Variants in DCHS2 observed in about 807,000 individuals in gnomAD.
DCHS2 encodes dachsous cadherin-related 2.
DCHS2 carries 142 observed loss-of-function variants against 182.4 expected under a neutral mutation model. That is an observed-to-expected ratio of 0.78 (90% CI 0.68 to 0.89). The LOEUF (loss-of-function observed/expected upper bound fraction) is 0.89, where lower values mean the gene tolerates loss of function less well. DCHS2 is among the 40% of genes least tolerant of loss of function. The pLI, the probability that DCHS2 is intolerant of heterozygous loss-of-function variation, is 0.00. For synonymous variants in DCHS2, 1,740 were observed against 1,663.3 expected, an observed-to-expected ratio of 1.05 and a Z score of -1.12; for missense variants, 4,319 against 4,198.6, an observed-to-expected ratio of 1.03 and a Z score of -0.79.
chr4:154,272,590 T>G (rs1733650023), intron 13 of DCHS2, among the ~76,000 whole-genome samples: 1 of 152,056 alleles, frequency 6.6e-6, no homozygotes, highest in African/African-American at 2.4e-5. Context: ...TTGCCCACTG[T>G]CTCTCACCTA....
At chr4:154,262,160 T>A (rs1219319920) in intron 14 of DCHS2, 1 of 152,242 alleles carries the variant, frequency 6.6e-6, no homozygotes, top group Non-Finnish European at 1.5e-5. Flanking sequence ...CAAAGTTGAT[T>A]TTTAATAAAA....
intron 2 of DCHS2, among the ~76,000 whole-genome samples, chr4:154,375,016 A>G (rs1162557069): frequency 6.6e-6 from 1 of 152,190 alleles, no homozygotes; most frequent in Non-Finnish European, 1.5e-5. Flanking sequence ...CAAAGCTAAA[A>G]GAATGTATGA....
At chr4:154,259,407 ATGGCC>A (rs1732858885) in intron 15 of DCHS2, 133 bp downstream of exon 15, 4 of 1,423,228 alleles carry the variant, frequency 2.8e-6, no homozygotes, top group Non-Finnish European at 3.7e-6. Flanking sequence ...TAAAATGTAC[ATGGCC>A]TGGAAAGAGT....
intron 1 of DCHS2, among the ~76,000 whole-genome samples, chr4:154,466,444 C>A (rs1735242767): frequency 6.6e-6 from 1 of 152,154 alleles, no homozygotes; most frequent in African/African-American, 2.4e-5. Flanking sequence ...CCTAAAGAAC[C>A]CATCACTTTA....
chr4:154,280,872 G>C (rs1211789561), intron 13 of DCHS2, among the ~76,000 whole-genome samples: 1 of 150,904 alleles, frequency 6.6e-6, no homozygotes, highest in Non-Finnish European at 1.5e-5. Context: ...CTGTCACCCA[G>C]GCTAGAGTGC....
intron 16 of DCHS2, among the ~76,000 whole-genome samples, chr4:154,250,326 G>A (rs529207205): frequency 1.2e-4 from 19 of 152,022 alleles, no homozygotes; most frequent in African/African-American, 3.4e-4. Context: ...TTTATCGGCC[G>A]AATCCTGAGG....
At chr4:154,322,221 A>C in intron 8 of DCHS2, 110 bp downstream of exon 8, 1 of 1,411,964 alleles carries the variant, frequency 7.1e-7, no homozygotes, top group Non-Finnish European at 9.7e-7. Context: ...TGTAACATAC[A>C]TACATATTCA....
At chr4:154,283,934 G>A (rs1734271936) in intron 13 of DCHS2, among the ~76,000 whole-genome samples, 2 of 152,144 alleles carry the variant, frequency 1.3e-5, no homozygotes, top group Non-Finnish European at 2.9e-5. Flanking sequence ...GATCAAGCTA[G>A]AATCCAGAGC....
At position 154,490,811 on chromosome 4, in the gene DCHS2, G is replaced by A. The variant is rs1285186583; in HGVS notation, c.545C>T (p.Pro182Leu). Reference sequence around the variant, plus strand: ...AACTGGCAGGCGGAAGGCGGTCCCTGGCGGGCTGAGCTCGGAGACGTCGAG... The same window carrying A: ...AACTGGCAGGCGGAAGGCGGTCCCTAGCGGGCTGAGCTCGGAGACGTCGAG... Reference protein sequence around the residue: ...LQLDVSELSPPGTAFRLPVAH... With the variant: ...LQLDVSELSPLGTAFRLPVAH... The change falls in exon 1 of 20, where the codon CCA (proline) becomes CTA (leucine). Residue 182 changes from proline (P) to leucine (L), a missense_variant. Coordinates refer to ENST00000357232, the MANE Select transcript of DCHS2 (RefSeq NM_001358235.2). 8 of 1,551,590 alleles carry A rather than the reference G, an allele frequency of 5.2e-6. No individual in the cohort carries two copies. Among genetic ancestry groups the A allele is most frequent in the Non-Finnish European group, 7.0e-6 (8 of 1,146,930 alleles).
At chr4:154,313,299 G>T (rs1466269058) in intron 10 of DCHS2, among the ~76,000 whole-genome samples, 1 of 152,056 alleles carries the variant, frequency 6.6e-6, no homozygotes, top group Non-Finnish European at 1.5e-5. Flanking sequence ...TTAAAATCTG[G>T]TAGTTGTTTT....
intron 13 of DCHS2, among the ~76,000 whole-genome samples, chr4:154,272,846 A>C (rs1192138009): frequency 6.6e-6 from 1 of 152,090 alleles, no homozygotes; most frequent in Non-Finnish European, 1.5e-5. Flanking sequence ...AATTTAATTT[A>C]TCTGGTGTCT....
chr4:154,381,221 T>C lies in DCHS2; in HGVS notation c.2053-3777A>G, dbSNP rs187164746. ...CTATTTTAGACAGAGATGAATCTGATACTTTTCACTGTAAACTTCTTCCAA... is the reference window on the plus strand; with the variant it reads ...CTATTTTAGACAGAGATGAATCTGACACTTTTCACTGTAAACTTCTTCCAA... On this transcript the variant is annotated intron_variant, in intron 1 of 19. Transcript: ENST00000357232. Among the ~76,000 whole-genome samples, 129 of 152,256 alleles carry C rather than the reference T, an allele frequency of 8.5e-4. 1 individual carries two copies. The highest frequency in any genetic ancestry group is 3.1e-3 in the African/African-American group (127 of 41,588).
intron 7 of DCHS2, among the ~76,000 whole-genome samples, chr4:154,324,395 C>A (rs1284385452): frequency 6.6e-6 from 1 of 152,116 alleles, no homozygotes; most frequent in Non-Finnish European, 1.5e-5. Flanking sequence ...TCTCCAAGGA[C>A]TCCTGGTTCC....
chr4:154,491,342 C>T lies in DCHS2; in HGVS notation c.14G>A (p.Gly5Glu), dbSNP rs867607123. The change falls in exon 1 of 20, where the codon GGG (glycine) becomes GAG (glutamate). Residue 5 changes from glycine (G) to glutamate (E), a missense_variant. By Grantham distance (98) the Gly-to-Glu change is moderately conservative. Transcript: ENST00000357232. ...CTGACGCCCTTCGCCCATCTTCCGC[C>T]CACAAGGGCTCATTTCTCCTCCAGC... MSPC[G>E]RKMGEGRQQR... 3 of 1,535,964 alleles carry T rather than the reference C, an allele frequency of 2.0e-6. No individual in the cohort carries two copies. Among genetic ancestry groups the T allele is most frequent in the Middle Eastern group, 3.5e-4 (2 of 5,686 alleles).
chr4:154,416,985 TACCCTCTCCCAGCTGCAGGGATC>T (rs752422034), intron 1 of DCHS2, among the ~76,000 whole-genome samples: 4 of 151,998 alleles, frequency 2.6e-5, no homozygotes, highest in Non-Finnish European at 4.4e-5. Flanking sequence ...GTCCTCCCAT[TACCCTCTCCCAGCTGCAGGGATC>T]ACGGACGCCA....
chr4:154,325,331 G>A (rs879681207), intron 7 of DCHS2, among the ~76,000 whole-genome samples: 6,374 of 91,974 alleles, frequency 0.069, 229 homozygotes, highest in Non-Finnish European at 0.11. Context: ...GTGTGTGTGT[G>A]TGTGTGTGTG....
chr4:154,288,878 C>T (rs575405176), intron 13 of DCHS2, among the ~76,000 whole-genome samples: 3 of 151,848 alleles, frequency 2.0e-5, no homozygotes, highest in African/African-American at 4.8e-5. Context: ...TTGAAACAAA[C>T]GATAATGGAA....
chr4:154,473,684 G>C (rs1735569630), intron 1 of DCHS2, among the ~76,000 whole-genome samples: 1 of 152,144 alleles, frequency 6.6e-6, no homozygotes, highest in Non-Finnish European at 1.5e-5. Flanking sequence ...GAATGGGCAG[G>C]AGAAGCGGAA....
chr4:154,449,761 G>A (rs963466691), intron 1 of DCHS2, among the ~76,000 whole-genome samples: 11 of 152,092 alleles, frequency 7.2e-5, no homozygotes, highest in Non-Finnish European at 1.5e-4. Context: ...AAATAATAAT[G>A]CAATTTTCAG....
Sources: allele counts gnomAD v4.1 joint callset (sites outside exome capture counted in the v4.1 genomes callset), GRCh38; gene constraint gnomAD v4.1.1; transcripts MANE v1.5; gene names NCBI Gene and HGNC (gene_info 2026-07-23, HGNC 2026-07-21).